SIRT3: variants seen among roughly 807,000 people sequenced by gnomAD.
The protein encoded by SIRT3 is sirtuin 3.
SIRT3 carries 26 observed loss-of-function variants against 33.5 expected under a neutral mutation model. That is an observed-to-expected ratio of 0.78 (90% CI 0.57 to 1.08). SIRT3 has a LOEUF of 1.08. SIRT3 is among the 50% of genes least tolerant of loss of function. The probability of loss-of-function intolerance (pLI) is 0.00; values close to 1 mark genes in which losing one functional copy is unlikely to be tolerated. For synonymous variants in SIRT3, 237 were observed against 222.1 expected, an observed-to-expected ratio of 1.07 and a Z score of -0.60; for missense variants, 585 against 530.1, an observed-to-expected ratio of 1.10 and a Z score of -1.02.
intron 4 of SIRT3, among the ~76,000 whole-genome samples, chr11:229,037 G>T (rs1056744425): frequency 6.6e-6 from 1 of 152,238 alleles, no homozygotes; most frequent in South Asian, 2.1e-4. Context: ...CACCCACTGG[G>T]ATAGCTGTAA....
chr11:224,116 T>G lies in SIRT3; in HGVS notation c.931A>C (p.Met311Leu). ...RFLLHVVDFP[M>L]ADLLLILGTS... Reference sequence around the variant, plus strand: ...CCAAGGATGAGCAGCAGATCTGCCATGGGGAAATCAACCACATGCAGCAAG... The same window carrying G: ...CCAAGGATGAGCAGCAGATCTGCCAGGGGGAAATCAACCACATGCAGCAAG... Residue 311 changes from methionine to leucine, a missense_variant, in exon 5 of 7, where the codon ATG (methionine) becomes CTG (leucine). Coordinates refer to ENST00000382743, the MANE Select transcript of SIRT3 (RefSeq NM_012239.6). The G allele has an allele frequency of 1.2e-6, 2 of 1,614,156 alleles. No homozygotes were observed. Among genetic ancestry groups the G allele is most frequent in the Non-Finnish European group, 1.7e-6 (2 of 1,180,046 alleles).
At chr11:228,183 A>G (rs957101280) in intron 4 of SIRT3, among the ~76,000 whole-genome samples, 2 of 152,236 alleles carry the variant, frequency 1.3e-5, no homozygotes, top group Non-Finnish European at 2.9e-5. Context: ...TATGGCACCC[A>G]GTTGTAACTG....
intron 1 of SIRT3, among the ~76,000 whole-genome samples, chr11:235,325 T>C (rs1858837328): frequency 6.6e-6 from 1 of 151,472 alleles, no homozygotes; most frequent in African/African-American, 2.4e-5. Context: ...CTTGCCTTAG[T>C]CTCAGGAGTA....
Position 216,491 on chromosome 11 carries a change from A to T in SIRT3, c.*207T>A, listed in dbSNP as rs1855660509. 5.1e-6 allele frequency: 3 copies of T among 593,552 alleles called. No homozygotes were observed. The highest frequency in any genetic ancestry group is 9.1e-6 in the Non-Finnish European group (3 of 330,054). 36.8% of individuals were successfully genotyped at this position (593,552 alleles called of 1,614,324 possible). ...GGCAGGCAGCTCCTTTGTATATGTGACGGGGTGGCCCTGACTGTAAACACA... is the reference window on the plus strand; with the variant it reads ...GGCAGGCAGCTCCTTTGTATATGTGTCGGGGTGGCCCTGACTGTAAACACA... On this transcript the variant is annotated 3_prime_UTR_variant, in exon 7 of 7. Transcript: ENST00000382743.
chr11:224,781 T>C (rs983366400), intron 4 of SIRT3, among the ~76,000 whole-genome samples: 1 of 152,134 alleles, frequency 6.6e-6, no homozygotes, highest in Non-Finnish European at 1.5e-5. Flanking sequence ...GCTTCCTTAC[T>C]GGCCAAGGTG....
intron 4 of SIRT3, among the ~76,000 whole-genome samples, chr11:228,177 G>A (rs1389614243): frequency 6.6e-6 from 1 of 152,144 alleles, no homozygotes; most frequent in Non-Finnish European, 1.5e-5. Flanking sequence ...AATTCGTATG[G>A]CACCCAGTTG....
intron 1 of SIRT3, among the ~76,000 whole-genome samples, chr11:235,551 A>G (rs1192651415): frequency 6.6e-6 from 1 of 152,238 alleles, no homozygotes; most frequent in Non-Finnish European, 1.5e-5. Flanking sequence ...CAGCAAGTCA[A>G]TGTGCCATTA....
Position 230,438 on chromosome 11 carries a change from G to T in SIRT3, c.807+14C>A. 1 of 1,410,706 alleles carries T rather than the reference G, an allele frequency of 7.1e-7. No homozygotes were observed. The highest frequency in any genetic ancestry group is 9.4e-7 in the Non-Finnish European group (1 of 1,069,276). The allele number at this position is 1,410,706 out of a possible 1,614,324, so 87.4% of individuals were successfully genotyped here. A position where few individuals can be genotyped will look rare whatever the true frequency, so the allele number is the denominator to read the frequency against. ...GCAAACTGCAGAAGGACAACCAACA[G>T]CAGGATAACTCACCCGAATGTCCTC... On this transcript the variant is annotated intron_variant, in intron 4 of 6. Coordinates refer to ENST00000382743, the MANE Select transcript of SIRT3 (RefSeq NM_012239.6).
At position 216,014 on chromosome 11, in the gene SIRT3, G is replaced by A. The variant is rs1035353392; in HGVS notation, c.*684C>T. On this transcript the variant is annotated 3_prime_UTR_variant, in exon 7 of 7. Coordinates refer to ENST00000382743, the MANE Select transcript of SIRT3 (RefSeq NM_012239.6). ...AGTCAACAGAATGTGACCACCTTCA[G>A]AGGGAGGAGCTGGGCCGTCTCCAAT... The A allele has an allele frequency of 6.5e-6, 1 of 152,744 alleles. No individual in the cohort carries two copies. Among genetic ancestry groups the A allele is most frequent in the African/African-American group, 2.4e-5 (1 of 41,450 alleles). 9.5% of individuals were successfully genotyped at this position (152,744 alleles called of 1,614,324 possible).
chr11:235,781 GCAAA>G (rs1314931875), intron 1 of SIRT3, among the ~76,000 whole-genome samples: 1 of 152,200 alleles, frequency 6.6e-6, no homozygotes, highest in Non-Finnish European at 1.5e-5. Context: ...AGGAATTTAT[GCAAA>G]CAGTGAGGTG....
intron 4 of SIRT3, 126 bp from the exon 5 acceptor site, chr11:224,365 C>G: frequency 2.1e-6 from 2 of 960,726 alleles, no homozygotes; most frequent in Non-Finnish European, 3.1e-6. Context: ...GATCATGAAC[C>G]CCCATGTACC....
At position 216,248 on chromosome 11, in the gene SIRT3, C is replaced by G; in HGVS notation, c.*450G>C. 1 of 163,548 alleles carries G rather than the reference C, an allele frequency of 6.1e-6. No homozygotes were observed. The highest frequency in any genetic ancestry group is 1.3e-5 in the Non-Finnish European group (1 of 75,310). The allele number at this position is 163,548 out of a possible 1,614,324, so 10.1% of individuals were successfully genotyped here. ...TGCTAGAAGTGCGGCACCAGGGCCT[C>G]AAGACTACACTTCGGAACATGAAGA... On this transcript the variant is annotated 3_prime_UTR_variant, in exon 7 of 7. Coordinates refer to ENST00000382743, the MANE Select transcript of SIRT3 (RefSeq NM_012239.6).
chr11:236,836 C>T, upstream of SIRT3: 4 of 586,858 alleles, frequency 6.8e-6, no homozygotes. Flanking sequence ...CAGCCAAGTG[C>T]GCGGGAAGTG....
At chr11:218,694 A>G in intron 6 of SIRT3, 138 bp downstream of exon 6, 1 of 1,461,636 alleles carries the variant, frequency 6.8e-7, no homozygotes, top group South Asian at 1.3e-5. Flanking sequence ...AGGTCCAGGT[A>G]GTGCCTGGTG....
rs1480953399 is a variant in SIRT3 at position 236,277 on chromosome 11, C to A, written c.52G>T (p.Val18Leu). The change falls in exon 1 of 7, where the codon GTA becomes TTA. Residue 18 changes from valine (V) to leucine (L), a missense_variant. Transcript: ENST00000382743. ...CCCCCGGCCTCGACCCGTTCAACTA[C>A]CCGGCCCCACAGCCGGAGGGCTGCC... The part of the protein sequence containing the change: ...AAAALRLWGR[V>L]VERVEAGGGV... 2 of 1,538,782 alleles carry A rather than the reference C, an allele frequency of 1.3e-6. No homozygotes were observed. Among genetic ancestry groups the A allele is most frequent in the African/African-American group, 2.8e-5 (2 of 72,464 alleles).
intron 5 of SIRT3, among the ~76,000 whole-genome samples, chr11:219,542 A>T (rs187392838): frequency 3.9e-5 from 6 of 152,286 alleles, no homozygotes; most frequent in Admixed American, 3.9e-4. Flanking sequence ...TTCCCCACCC[A>T]GCCTCTAGAG....
intron 5 of SIRT3, 84 bp from the exon 6 acceptor site, chr11:219,125 T>C (rs1856060820): frequency 1.4e-6 from 2 of 1,476,752 alleles, no homozygotes; most frequent in Non-Finnish European, 1.8e-6. Flanking sequence ...ACCGAGGCCT[T>C]GGAGGAGCAG....
upstream of SIRT3, chr11:236,543 C>G (rs1408730980): frequency 6.1e-6 from 1 of 164,194 alleles, no homozygotes; most frequent in East Asian, 1.9e-4. Context: ...GAGGAAGTTC[C>G]CTAGTCTGGT....
chr11:233,157 C>T lies in SIRT3; in HGVS notation c.532G>A (p.Ala178Thr), dbSNP rs1708078021. 1 of 1,614,128 alleles carries T rather than the reference C, an allele frequency of 6.2e-7. No homozygotes were observed. Among genetic ancestry groups the T allele is most frequent in the African/African-American group, 1.3e-5 (1 of 75,016 alleles). The change falls in exon 3 of 7, where the codon GCC becomes ACC. Residue 178 changes from alanine (A) to threonine (T), a missense_variant. Transcript: ENST00000382743. ...LQQYDLPYPE[A>T]IFELPFFFHN... Reference sequence around the variant, plus strand: ...AAGAAGAATGGGAGTTCAAAAATGGCCTCGGGGTACGGGAGATCGTACTGC... The same window carrying T: ...AAGAAGAATGGGAGTTCAAAAATGGTCTCGGGGTACGGGAGATCGTACTGC...
Sources: allele counts gnomAD v4.1 joint callset (sites outside exome capture counted in the v4.1 genomes callset), GRCh38; gene constraint gnomAD v4.1.1; transcripts MANE v1.5; gene names NCBI Gene and HGNC (gene_info 2026-07-23, HGNC 2026-07-21).